The following SEPTIN7 variants were observed in gnomAD, a reference collection of about 807,000 sequenced individuals.
The protein encoded by SEPTIN7 is septin 7, also known as septin-7.
SEPTIN7 carries 10 observed loss-of-function variants against 63.3 expected under a neutral mutation model. The observed-to-expected ratio is 0.16, with a 90% CI of 0.10 to 0.27. SEPTIN7 has a LOEUF of 0.27. Among genes scored for constraint, SEPTIN7 ranks in the 10% least tolerant of loss-of-function variants. The probability of loss-of-function intolerance (pLI) is 1.00; values close to 1 mark genes in which losing one functional copy is unlikely to be tolerated. For synonymous variants in SEPTIN7, 131 were observed against 165.3 expected (o/e 0.79, Z 1.59); for missense variants, 310 against 521.0 (o/e 0.59, Z 3.94).
intron 11 of SEPTIN7, among the ~76,000 whole-genome samples, chr7:35,897,459 A>G (rs907022074): frequency 2.6e-5 from 4 of 152,336 alleles, no homozygotes; most frequent in Admixed American, 6.5e-5. Context: ...TTTGAACACA[A>G]TTCTACAAAG....
At chr7:35,804,835 G>T (rs59938717) in intron 1 of SEPTIN7, among the ~76,000 whole-genome samples, 11,057 of 122,906 alleles carry the variant, frequency 0.09, 654 homozygotes, top group African/African-American at 0.19. Flanking sequence ...TTCTTTTTTT[G>T]TTTTTTTTTT....
At chr7:35,852,531 T>G (rs1189100555) in intron 3 of SEPTIN7, among the ~76,000 whole-genome samples, 2 of 152,202 alleles carry the variant, frequency 1.3e-5, no homozygotes, top group Non-Finnish European at 1.5e-5. Flanking sequence ...CAGGGAAGAA[T>G]AATAGTATTA....
chr7:35,858,284 C>G (rs1562553895), intron 3 of SEPTIN7, among the ~76,000 whole-genome samples: 1 of 152,022 alleles, frequency 6.6e-6, no homozygotes, highest in Non-Finnish European at 1.5e-5. Flanking sequence ...GAGTCTCTCT[C>G]TTTTATTCTC....
chr7:35,893,812 G>A (rs180879277), intron 11 of SEPTIN7, among the ~76,000 whole-genome samples: 1 of 152,274 alleles, frequency 6.6e-6, no homozygotes. Context: ...AATAGATTGT[G>A]TGGTTTAAAT....
intron 11 of SEPTIN7, among the ~76,000 whole-genome samples, chr7:35,896,432 ACT>A (rs1427786407): frequency 6.6e-6 from 1 of 152,026 alleles, no homozygotes; most frequent in Non-Finnish European, 1.5e-5. Flanking sequence ...GGAATTATAG[ACT>A]CTTTGAAAAT....
At chr7:35,885,448 T>G (rs1787170871) in intron 9 of SEPTIN7, among the ~76,000 whole-genome samples, 1 of 152,180 alleles carries the variant, frequency 6.6e-6, no homozygotes, top group Admixed American at 6.5e-5. Context: ...CTTTTTCATT[T>G]TGGTTACCTT....
intron 9 of SEPTIN7, among the ~76,000 whole-genome samples, chr7:35,884,436 A>C (rs1273708053): frequency 6.6e-6 from 1 of 152,146 alleles, no homozygotes; most frequent in Admixed American, 6.5e-5. Context: ...CAAATAAGAG[A>C]TACTCAACTT....
At chr7:35,865,225 G>A (rs967822712) in intron 4 of SEPTIN7, among the ~76,000 whole-genome samples, 1 of 152,028 alleles carries the variant, frequency 6.6e-6, no homozygotes, top group African/African-American at 2.4e-5. Context: ...TATGAATTTA[G>A]ATATGCAAGA....
At chr7:35,841,750 A>G (rs1043158313) in intron 3 of SEPTIN7, among the ~76,000 whole-genome samples, 6 of 152,258 alleles carry the variant, frequency 3.9e-5, no homozygotes, top group African/African-American at 1.4e-4. Context: ...AAGGGAGCAC[A>G]TGTTAGTGTA....
chr7:35,812,757 T>C (rs542862201), intron 1 of SEPTIN7, among the ~76,000 whole-genome samples: 47 of 152,204 alleles, frequency 3.1e-4, no homozygotes, highest in Non-Finnish European at 6.2e-4. Flanking sequence ...ATTTAATAAA[T>C]AAATCTTTTA....
chr7:35,859,118 C>G (rs1785368126), intron 3 of SEPTIN7, among the ~76,000 whole-genome samples: 1 of 151,924 alleles, frequency 6.6e-6, no homozygotes, highest in Admixed American at 6.6e-5. Context: ...TTAAAATCTT[C>G]ATTTTTATAT....
intron 1 of SEPTIN7, among the ~76,000 whole-genome samples, chr7:35,803,439 C>T (rs557542016): frequency 6.6e-6 from 1 of 152,272 alleles, no homozygotes; most frequent in Non-Finnish European, 1.5e-5. Flanking sequence ...TCTATGGCTT[C>T]TAAGGTCTCA....
chr7:35,866,501 C>T (rs931539365), intron 4 of SEPTIN7, among the ~76,000 whole-genome samples: 10 of 152,116 alleles, frequency 6.6e-5, no homozygotes, highest in African/African-American at 2.2e-4. Context: ...AAACTGTCTC[C>T]TATTATGTGG....
chr7:35,915,266 T>C, the SEPTIN7 span, among the ~76,000 whole-genome samples: 2 of 151,890 alleles, frequency 1.3e-5, no homozygotes, highest in Non-Finnish European at 1.5e-5. Flanking sequence ...CACATATATA[T>C]ATATACACAC....
At chr7:35,817,846 G>A (rs1246147354) in intron 1 of SEPTIN7, among the ~76,000 whole-genome samples, 1 of 148,390 alleles carries the variant, frequency 6.7e-6, no homozygotes, top group Non-Finnish European at 1.5e-5. Flanking sequence ...ATTGATTTTT[G>A]TATATTGATC....
rs185141365 is a variant in SEPTIN7 at position 35,876,210 on chromosome 7, T to C, written c.512+2435T>C. ...TTTTAAATATCTTTCTTTCTAGAAGTTGGGATATTATAATAAATACTCAGC... is the reference window on the plus strand; with the variant it reads ...TTTTAAATATCTTTCTTTCTAGAAGCTGGGATATTATAATAAATACTCAGC... On this transcript the variant is annotated intron_variant, in intron 6 of 13. Transcript: ENST00000350320. 1.6e-4 allele frequency among the ~76,000 whole-genome samples: 24 copies of C among 152,278 alleles called. No individual in the cohort carries two copies. In the East Asian group the frequency reaches 4.0e-3, roughly 26 times the overall value.
intron 3 of SEPTIN7, among the ~76,000 whole-genome samples, chr7:35,840,681 G>A (rs1784367996): frequency 6.6e-6 from 1 of 152,062 alleles, no homozygotes; most frequent in South Asian, 2.1e-4. Context: ...GTATTTGAAG[G>A]TTAGGCTATT....
At chr7:35,909,383 T>C (rs1292310150), downstream of SEPTIN7, among the ~76,000 whole-genome samples, 1 of 152,206 alleles carries the variant, frequency 6.6e-6, no homozygotes, top group Non-Finnish European at 1.5e-5. Context: ...CTTTGGAAGA[T>C]GGAATGGAGG....
chr7:35,895,735 T>C (rs779708674), intron 11 of SEPTIN7, among the ~76,000 whole-genome samples: 1 of 152,218 alleles, frequency 6.6e-6, no homozygotes, highest in Non-Finnish European at 1.5e-5. Flanking sequence ...ATCACTAATT[T>C]TTTTTCCTTT....
Sources: gnomAD v4.1 joint callset for allele counts (sites outside exome capture counted in the v4.1 genomes callset) on GRCh38, gnomAD v4.1.1 for gene constraint, MANE v1.5 for transcripts, NCBI Gene and HGNC (gene_info 2026-07-23, HGNC 2026-07-21) for gene names.